The following DLGAP2 variants were observed in gnomAD, a reference collection of about 807,000 sequenced individuals.
DLGAP2 encodes the protein DLG associated protein 2, also known as disks large-associated protein 2.
In DLGAP2, 26 loss-of-function variants were observed where a neutral mutation model predicts 100.3. That is an observed-to-expected ratio of 0.26 (90% confidence interval 0.19 to 0.36). The LOEUF (loss-of-function observed/expected upper bound fraction) is 0.36, where lower values mean the gene tolerates loss of function less well. Among genes scored for constraint, DLGAP2 ranks in the 10% least tolerant of loss-of-function variants. The pLI is 1.00. For missense variants in DLGAP2, 1,858 were observed against 1,453.2 expected, an observed-to-expected ratio of 1.28 and a Z score of -4.53; for synonymous variants, 886 against 630.1, an observed-to-expected ratio of 1.41 and a Z score of -6.08.
At chr8:1,665,055 ATCATT>A (rs1485405752) in intron 8 of DLGAP2, among the ~76,000 whole-genome samples, 1 of 152,200 alleles carries the variant, frequency 6.6e-6, no homozygotes. Flanking sequence ...AGTTTAAAAA[ATCATT>A]TCATCAGCCT....
At chr8:1,554,972 C>G (rs1216793009) in intron 5 of DLGAP2, among the ~76,000 whole-genome samples, 1 of 152,148 alleles carries the variant, frequency 6.6e-6, no homozygotes, top group East Asian at 1.9e-4. Context: ...TTAGCGATAC[C>G]AGTGCTCAGC....
chr8:1,555,510 C>T (rs527749227), intron 5 of DLGAP2, among the ~76,000 whole-genome samples: 2 of 152,364 alleles, frequency 1.3e-5, no homozygotes, highest in South Asian at 4.1e-4. Context: ...TCCTCTCCCA[C>T]CTTGAGTACC....
intron 2 of DLGAP2, among the ~76,000 whole-genome samples, chr8:1,220,726 T>C (rs1254736400): frequency 6.6e-6 from 1 of 152,264 alleles, no homozygotes; most frequent in Non-Finnish European, 1.5e-5. Context: ...TATTACTGTG[T>C]GGTTATCAAA....
At chr8:1,162,692 A>G (rs1420545376) in intron 2 of DLGAP2, among the ~76,000 whole-genome samples, 2 of 152,218 alleles carry the variant, frequency 1.3e-5, no homozygotes, top group African/African-American at 4.8e-5. Flanking sequence ...ATTCCATAAT[A>G]TAGTTTAGTG....
At chr8:1,230,542 A>G (rs967787896) in intron 2 of DLGAP2, among the ~76,000 whole-genome samples, 1 of 152,162 alleles carries the variant, frequency 6.6e-6, no homozygotes. Flanking sequence ...AAAAAGCTCG[A>G]ATAGCCAAAG....
chr8:1,424,123 G>A (rs1797176033), intron 3 of DLGAP2, among the ~76,000 whole-genome samples: 1 of 152,218 alleles, frequency 6.6e-6, no homozygotes, highest in African/African-American at 2.4e-5. Context: ...ACTAAAGCGG[G>A]CTCCACATGG....
chr8:971,424 C>T (rs1024446306), intron 2 of DLGAP2, among the ~76,000 whole-genome samples: 2 of 152,140 alleles, frequency 1.3e-5, no homozygotes, highest in Non-Finnish European at 2.9e-5. Context: ...CGTGTTCCTC[C>T]CCAAAATTGG....
At chr8:1,488,453 C>T (rs1048857544) in intron 3 of DLGAP2, among the ~76,000 whole-genome samples, 1 of 152,138 alleles carries the variant, frequency 6.6e-6, no homozygotes, top group Non-Finnish European at 1.5e-5. Context: ...GTTGAGCACC[C>T]AAAAGAGGCA....
chr8:962,607 C>G (rs541485329), intron 2 of DLGAP2, among the ~76,000 whole-genome samples: 1 of 152,278 alleles, frequency 6.6e-6, no homozygotes, highest in South Asian at 2.1e-4. Flanking sequence ...GGCCCCCGCC[C>G]TCCGAGAGGG....
chr8:774,710 C>A (rs928216754), intron 1 of DLGAP2, among the ~76,000 whole-genome samples: 24 of 151,554 alleles, frequency 1.6e-4, no homozygotes, highest in African/African-American at 5.8e-4. Context: ...TGATCTATAT[C>A]TCTGTTTTGG....
chr8:1,652,547 G>C (rs1293254093), intron 8 of DLGAP2, among the ~76,000 whole-genome samples: 3 of 152,178 alleles, frequency 2.0e-5, no homozygotes, highest in East Asian at 3.9e-4. Flanking sequence ...TGATATTTCT[G>C]AGTTTCCAGG....
rs1356010101 is a variant in DLGAP2, at chr8:1,707,137, T to G, written c.*5731T>G. 1 of 152,642 alleles carries G rather than the reference T, an allele frequency of 6.6e-6. No homozygotes were observed. Among genetic ancestry groups the G allele is most frequent in the African/African-American group, 2.4e-5 (1 of 41,456 alleles). 9.5% of individuals were successfully genotyped at this position (152,642 alleles called of 1,614,324 possible). A position where few individuals can be genotyped will look rare whatever the true frequency, so the allele number is the denominator to read the frequency against. On this transcript the variant is annotated 3_prime_UTR_variant, in exon 15 of 15. Coordinates refer to ENST00000637795, the MANE Select transcript of DLGAP2 (RefSeq NM_001346810.2). ...GTTGACAGAGGTTTACCTCCCTACT[T>G]TCTTAGATTTTATGTAACTCTTTTC...
At chr8:1,136,027 C>A (rs1276187518) in intron 2 of DLGAP2, among the ~76,000 whole-genome samples, 1 of 152,200 alleles carries the variant, frequency 6.6e-6, no homozygotes, top group Admixed American at 6.5e-5. Flanking sequence ...TCAAGAAGCT[C>A]ATTCTCTTCC....
At chr8:1,530,489 A>G (rs1187624602) in intron 4 of DLGAP2, among the ~76,000 whole-genome samples, 1 of 152,182 alleles carries the variant, frequency 6.6e-6, no homozygotes, top group African/African-American at 2.4e-5. Flanking sequence ...CAATTTGTGC[A>G]GTTAATGCAA....
chr8:917,046 G>A (rs1466234954), intron 2 of DLGAP2, among the ~76,000 whole-genome samples: 1 of 152,176 alleles, frequency 6.6e-6, no homozygotes, highest in Non-Finnish European at 1.5e-5. Context: ...GGAAGCTTGT[G>A]GAGCCACTGC....
At chr8:1,259,342 A>C (rs1409921188) in intron 3 of DLGAP2, among the ~76,000 whole-genome samples, 2 of 152,116 alleles carry the variant, frequency 1.3e-5, no homozygotes, top group Non-Finnish European at 2.9e-5. Context: ...TGCTTATTTA[A>C]CTTTCTACGC....
At chr8:1,498,962 T>C (rs187123106) in intron 3 of DLGAP2, among the ~76,000 whole-genome samples, 117 of 152,320 alleles carry the variant, frequency 7.7e-4, no homozygotes, top group African/African-American at 2.6e-3. Context: ...CCATGCTGGA[T>C]TGTTAACTTT....
At chr8:880,687 G>T (rs1359634483) in intron 1 of DLGAP2, among the ~76,000 whole-genome samples, 1 of 152,010 alleles carries the variant, frequency 6.6e-6, no homozygotes, top group East Asian at 1.9e-4. Context: ...TGACCGTCCA[G>T]TGTGTGTCCC....
chr8:948,404 G>C (rs1054219985), intron 2 of DLGAP2, among the ~76,000 whole-genome samples: 1 of 152,174 alleles, frequency 6.6e-6, no homozygotes, highest in African/African-American at 2.4e-5. Context: ...CAGGAGGAGT[G>C]GGCGAAGCGG....
Sources: allele counts gnomAD v4.1 joint callset (sites outside exome capture counted in the v4.1 genomes callset), GRCh38; gene constraint gnomAD v4.1.1; transcripts MANE v1.5; gene names NCBI Gene and HGNC (gene_info 2026-07-23, HGNC 2026-07-21).